Variants in CDH23 observed in about 807,000 individuals in gnomAD.
The protein encoded by CDH23 is cadherin-23.
Under a neutral mutation model 317.1 loss-of-function variants are expected in CDH23, and 189 were observed. The observed-to-expected ratio is 0.60, with a 90% confidence interval of 0.53 to 0.67. The LOEUF (loss-of-function observed/expected upper bound fraction) is 0.67, where lower values mean the gene tolerates loss of function less well. Among genes scored for constraint, CDH23 ranks in the 30% least tolerant of loss-of-function variants. The pLI is 0.00. For synonymous variants in CDH23, 1,839 were observed against 1,876.8 expected, an observed-to-expected ratio of 0.98 and a Z score of 0.52; for missense variants, 4,401 against 4,592.4, an observed-to-expected ratio of 0.96 and a Z score of 1.20.
intron 9 of CDH23, among the ~76,000 whole-genome samples, chr10:71,581,029 G>A (rs917194007): frequency 7.2e-5 from 11 of 152,188 alleles, no homozygotes; most frequent in African/African-American, 2.7e-4. Flanking sequence ...AGACGTGGCT[G>A]AAAAGAACAT....
At chr10:71,609,131 A>AG (rs1005586369) in intron 9 of CDH23, among the ~76,000 whole-genome samples, 4 of 151,932 alleles carry the variant, frequency 2.6e-5, no homozygotes, top group African/African-American at 7.3e-5. Flanking sequence ...CAGGTGGGGC[A>AG]GGGGGCGTGA....
chr10:71,654,928 T>C (rs190732567), intron 14 of CDH23, among the ~76,000 whole-genome samples: 2 of 152,120 alleles, frequency 1.3e-5, no homozygotes, highest in African/African-American at 4.8e-5. Flanking sequence ...CAAGTCCAGA[T>C]TCAAGGAGAG....
intron 8 of CDH23, among the ~76,000 whole-genome samples, chr10:71,577,545 G>A (rs768774892): frequency 1.2e-4 from 18 of 152,234 alleles, no homozygotes; most frequent in Non-Finnish European, 2.2e-4. Flanking sequence ...CCAGAGAGGT[G>A]CAGCAACCTT....
At chr10:71,528,634 G>T (rs1855179213) in intron 6 of CDH23, among the ~76,000 whole-genome samples, 1 of 152,244 alleles carries the variant, frequency 6.6e-6, no homozygotes, top group Non-Finnish European at 1.5e-5. Context: ...AGTGATTGAG[G>T]TGCCCGGGCC....
intron 41 of CDH23, among the ~76,000 whole-genome samples, chr10:71,783,076 G>A (rs913205831): frequency 6.6e-6 from 1 of 152,196 alleles, no homozygotes; most frequent in Non-Finnish European, 1.5e-5. Context: ...GCAAGTCAGT[G>A]CCCCATTCTG....
At chr10:71,547,456 C>T (rs1856346196) in intron 6 of CDH23, among the ~76,000 whole-genome samples, 2 of 152,212 alleles carry the variant, frequency 1.3e-5, no homozygotes, top group Admixed American at 6.5e-5. Context: ...CCAGGCAGCG[C>T]AGGTGTGGAA....
At chr10:71,810,773 C>G (rs1841892097) in intron 62 of CDH23, among the ~76,000 whole-genome samples, 1 of 152,126 alleles carries the variant, frequency 6.6e-6, no homozygotes, top group South Asian at 2.1e-4. Flanking sequence ...GCCTCCCTCT[C>G]CCCATCTGTA....
chr10:71,739,009 C>T (rs958089999), intron 35 of CDH23, among the ~76,000 whole-genome samples: 4 of 152,224 alleles, frequency 2.6e-5, no homozygotes, highest in African/African-American at 4.8e-5. Flanking sequence ...CGCTTGCTGT[C>T]GCTCCAGGTT....
intron 57 of CDH23, 56 bp from the exon 58 acceptor site, chr10:71,807,221 C>A: frequency 6.3e-7 from 1 of 1,595,450 alleles, no homozygotes; most frequent in Non-Finnish European, 8.6e-7. Context: ...GAAACAGGGA[C>A]TGGAAGCTCG....
In CDH23 at chr10:71,617,215, T is replaced by C; in HGVS notation, c.956T>C (p.Leu319Pro). The part of the protein sequence containing the change: ...GFILTVKGTE[L>P]NDDRTPSDAT... ...GATCTCTGTCCATAGGGCACGGAGC[T>C]GAACGATGACCGCACCCCATCTGAC... is the stretch of plus-strand genomic sequence containing the variant. Residue 319 changes from leucine (L) to proline (P), a missense_variant, in exon 11 of 70, where the codon CTG (leucine) becomes CCG (proline). By Grantham distance (98) the Leu-to-Pro change is moderately conservative. This residue lies in a region of CDH23 where 3,068 missense variants were observed against 3,203.3 expected (regional missense o/e 0.96). Coordinates refer to ENST00000224721, the MANE Select transcript of CDH23 (RefSeq NM_022124.6). 1.2e-6 allele frequency: 2 copies of C among 1,613,616 alleles called. No homozygotes were observed. Among genetic ancestry groups the C allele is most frequent in the Non-Finnish European group, 1.7e-6 (2 of 1,179,584 alleles).
chr10:71,486,366 AG>A (rs1852347295), intron 3 of CDH23, among the ~76,000 whole-genome samples: 3 of 151,066 alleles, frequency 2.0e-5, no homozygotes, highest in African/African-American at 2.4e-5. Context: ...GGCTTCCTGG[AG>A]GGGGTGGGCC....
At position 71,500,804 on chromosome 10, in the gene CDH23, C is replaced by CTTTTCTT. The variant is rs1554831252; in HGVS notation, c.146-9275_146-9269dup. On this transcript the variant is annotated intron_variant, in intron 3 of 69. Coordinates refer to ENST00000224721, the MANE Select transcript of CDH23 (RefSeq NM_022124.6). ...CTTTTCTTTTCTTTTCTTTTCTTTT[C>CTTTTCTT]TTTTCTTTTCTTTTCTCTTTCCTTT... Among the ~76,000 whole-genome samples, 20 of 144,266 alleles carry CTTTTCTT rather than the reference C, an allele frequency of 1.4e-4. No homozygotes were observed. The East Asian group carries it at 3.9e-3, about 28-fold the overall frequency. 94.6% of individuals were successfully genotyped at this position (144,266 alleles called of 152,430 possible).
chr10:71,404,056 C>T (rs1012948113), intron 1 of CDH23, among the ~76,000 whole-genome samples: 10 of 152,224 alleles, frequency 6.6e-5, no homozygotes, highest in African/African-American at 2.4e-4. Flanking sequence ...CGTGCCACTG[C>T]ACTCCAGCCT....
intron 3 of CDH23, among the ~76,000 whole-genome samples, chr10:71,494,290 C>T (rs1852832139): frequency 6.6e-6 from 1 of 152,170 alleles, no homozygotes; most frequent in Non-Finnish European, 1.5e-5. Flanking sequence ...TTTACCTGCT[C>T]AAAGGCCTTT....
intron 6 of CDH23, among the ~76,000 whole-genome samples, chr10:71,526,777 G>C (rs1855063926): frequency 1.3e-5 from 2 of 152,180 alleles, no homozygotes; most frequent in African/African-American, 4.8e-5. Context: ...CTATGGCCAA[G>C]GCGTTGGGAT....
intron 32 of CDH23, among the ~76,000 whole-genome samples, chr10:71,733,402 C>T (rs1839455296): frequency 6.6e-6 from 1 of 152,194 alleles, no homozygotes; most frequent in Non-Finnish European, 1.5e-5. Flanking sequence ...AGCCTCTGTC[C>T]TCTTCCTGGA....
chr10:71,503,778 C>G (rs114872984), intron 3 of CDH23, among the ~76,000 whole-genome samples: 2,605 of 152,302 alleles, frequency 0.017, 61 homozygotes, highest in African/African-American at 0.054. Flanking sequence ...GCCTCCCCAA[C>G]GTGCTAACTC....
Position 71,517,914 on chromosome 10 carries a change from G to C in CDH23, c.429+6702G>C, listed in dbSNP as rs2132222491. On this transcript the variant is annotated intron_variant, in intron 6 of 69. Transcript: ENST00000224721. The stretch of plus-strand genomic sequence containing the variant: ...CTGGTCTGTCCCCTCTGTCAGCACA[G>C]TGACACATGCCTGGAGCCCTGCTCT... Among the ~76,000 whole-genome samples, 2 of 152,296 alleles carry C rather than the reference G, an allele frequency of 1.3e-5. 1 individual carries two copies. The highest frequency in any genetic ancestry group is 4.1e-4 in the South Asian group (2 of 4,824).
intron 40 of CDH23, among the ~76,000 whole-genome samples, chr10:71,778,782 T>C (rs912928472): frequency 2.0e-5 from 3 of 151,976 alleles, no homozygotes; most frequent in African/African-American, 4.8e-5. Flanking sequence ...TTGAGACAAG[T>C]TTTCACTCTA....
Sources: allele counts gnomAD v4.1 joint callset (sites outside exome capture counted in the v4.1 genomes callset), GRCh38; gene constraint gnomAD v4.1.1; regional missense constraint gnomAD v4.1.1; transcripts MANE v1.5; gene names NCBI Gene and HGNC (gene_info 2026-07-23, HGNC 2026-07-21).